GABRB1: variants seen among roughly 807,000 people sequenced by gnomAD.
GABRB1 encodes gamma-aminobutyric acid receptor subunit beta-1.
In GABRB1, 17 loss-of-function variants were observed where a neutral mutation model predicts 51.6. The ratio of observed to expected loss-of-function variants is 0.33; its 90% CI spans 0.23 to 0.49. The LOEUF is 0.49. Ranked by LOEUF, GABRB1 falls within the 20% of genes least tolerant of loss-of-function variation. GABRB1 has a pLI of 0.99. For synonymous variants in GABRB1, 247 were observed against 218.9 expected (o/e 1.13, Z -1.14); for missense variants, 410 against 600.6 (o/e 0.68, Z 3.32).
chr4:47,383,077 T>C (rs1041219331), intron 5 of GABRB1, among the ~76,000 whole-genome samples: 18 of 152,268 alleles, frequency 1.2e-4, no homozygotes, highest in Admixed American at 1.0e-3. Context: ...ACTGTCAGCT[T>C]TACAACATTC....
chr4:47,129,673 T>C (rs1716323690), intron 3 of GABRB1, among the ~76,000 whole-genome samples: 1 of 152,186 alleles, frequency 6.6e-6, no homozygotes, highest in Non-Finnish European at 1.5e-5. Flanking sequence ...ATCATGGATT[T>C]TAGAAATCAG....
At chr4:47,230,941 C>T (rs191472755) in intron 4 of GABRB1, among the ~76,000 whole-genome samples, 92 of 152,250 alleles carry the variant, frequency 6.0e-4, no homozygotes, top group Admixed American at 2.0e-3. Flanking sequence ...AACAGGCCCT[C>T]ATTTGAGGGT....
intron 4 of GABRB1, among the ~76,000 whole-genome samples, chr4:47,309,313 C>T (rs1430646569): frequency 1.3e-5 from 2 of 151,606 alleles, no homozygotes; most frequent in Non-Finnish European, 2.9e-5. Context: ...GACTGCTTTT[C>T]ATATTTATAA....
chr4:47,233,298 G>A (rs753310557), intron 4 of GABRB1, among the ~76,000 whole-genome samples: 21 of 151,878 alleles, frequency 1.4e-4, no homozygotes, highest in South Asian at 6.2e-4. Flanking sequence ...TGCATCACTC[G>A]CTTACTCAAA....
At chr4:47,122,615 TC>T (rs1715826596) in intron 3 of GABRB1, among the ~76,000 whole-genome samples, 1 of 51,754 alleles carries the variant, frequency 1.9e-5, no homozygotes, top group African/African-American at 7.2e-5. Flanking sequence ...GAACTGAAAC[TC>T]CAGTCTCAAA....
intron 7 of GABRB1, among the ~76,000 whole-genome samples, chr4:47,406,044 G>A (rs950741844): frequency 1.3e-5 from 2 of 152,100 alleles, no homozygotes; most frequent in African/African-American, 2.4e-5. Context: ...GAGAATATTT[G>A]AAATATCAAA....
intron 4 of GABRB1, among the ~76,000 whole-genome samples, chr4:47,166,602 G>A (rs1163625176): frequency 1.3e-5 from 2 of 152,012 alleles, no homozygotes; most frequent in South Asian, 2.1e-4. Context: ...TTAGTAAGGT[G>A]TTATCAGTAT....
chr4:47,378,944 T>A (rs1727495132), intron 5 of GABRB1, among the ~76,000 whole-genome samples: 1 of 152,172 alleles, frequency 6.6e-6, no homozygotes, highest in South Asian at 2.1e-4. Context: ...CGTCTTTTTC[T>A]CTCCGTCACA....
chr4:47,414,016 CT>C (rs1454722933), intron 8 of GABRB1, among the ~76,000 whole-genome samples: 6 of 152,160 alleles, frequency 3.9e-5, no homozygotes, highest in African/African-American at 1.4e-4. Flanking sequence ...GCATCTGGAA[CT>C]TTTTCAGTTA....
chr4:47,069,813 C>T (rs952527761), intron 3 of GABRB1, among the ~76,000 whole-genome samples: 11 of 152,118 alleles, frequency 7.2e-5, no homozygotes, highest in Non-Finnish European at 1.3e-4. Flanking sequence ...TTATAACAAA[C>T]ATTTTTTAAA....
Position 47,212,385 on chromosome 4 carries a change from C to G in GABRB1, c.461+50916C>G, listed in dbSNP as rs138766003. ...ACAGTCTGTGAGGCACAGAAGACAG[C>G]CAGCCCCAGGGCTGGGTGTGGTGGC... On this transcript the variant is annotated intron_variant, in intron 4 of 8. Coordinates refer to ENST00000295454, the MANE Select transcript of GABRB1 (RefSeq NM_000812.4). Among the ~76,000 whole-genome samples, 1,307 of 152,262 alleles carry G rather than the reference C, an allele frequency of 8.6e-3. 20 individuals carry two copies. Among genetic ancestry groups the G allele is most frequent in the African/African-American group, 0.03 (1,227 of 41,558 alleles).
intron 3 of GABRB1, among the ~76,000 whole-genome samples, chr4:47,108,409 T>A (rs1441478061): frequency 1.3e-5 from 2 of 152,064 alleles, no homozygotes; most frequent in African/African-American, 4.8e-5. Context: ...GAAGGTAACT[T>A]GGTAAACCCA....
chr4:47,303,384 CTCTA>C (rs1274906167), intron 4 of GABRB1, among the ~76,000 whole-genome samples: 86 of 123,368 alleles, frequency 7.0e-4, no homozygotes, highest in African/African-American at 2.0e-3. Flanking sequence ...CTCTCTCTCT[CTCTA>C]TATATATATA....
chr4:47,105,254 C>T (rs999306732), intron 3 of GABRB1, among the ~76,000 whole-genome samples: 4 of 152,052 alleles, frequency 2.6e-5, no homozygotes, highest in Non-Finnish European at 4.4e-5. Flanking sequence ...ACTCCATCAT[C>T]GGCTTTAGAT....
At chr4:46,996,207 G>T (rs956493908) in intron 1 of GABRB1, among the ~76,000 whole-genome samples, 1 of 151,392 alleles carries the variant, frequency 6.6e-6, no homozygotes, top group African/African-American at 2.4e-5. Context: ...TATTATTATT[G>T]TCTGTGTAGC....
intron 4 of GABRB1, among the ~76,000 whole-genome samples, chr4:47,230,062 A>G (rs184878166): frequency 9.3e-4 from 142 of 152,340 alleles, no homozygotes; most frequent in African/African-American, 3.2e-3. Flanking sequence ...TTTACAAAAT[A>G]GTCAATATAA....
intron 4 of GABRB1, among the ~76,000 whole-genome samples, chr4:47,251,607 G>C (rs1385933746): frequency 6.6e-6 from 1 of 152,066 alleles, no homozygotes; most frequent in African/African-American, 2.4e-5. Flanking sequence ...GCTCTCCTTG[G>C]GTGGGTCTTG....
At chr4:47,033,409 T>G (rs12108581) in intron 3 of GABRB1, among the ~76,000 whole-genome samples, 75,844 of 151,978 alleles carry the variant, frequency 0.5, 19,100 homozygotes, top group Non-Finnish European at 0.53. Context: ...TAACTGTTGC[T>G]TCTCGTAAGA....
chr4:47,003,033 T>C (rs1353928327), intron 1 of GABRB1, among the ~76,000 whole-genome samples: 2 of 152,196 alleles, frequency 1.3e-5, no homozygotes, highest in African/African-American at 4.8e-5. Flanking sequence ...AATGTTTGAT[T>C]TATGGATAGC....
Sources: allele counts gnomAD v4.1 joint callset (sites outside exome capture counted in the v4.1 genomes callset), GRCh38; gene constraint gnomAD v4.1.1; transcripts MANE v1.5; gene names NCBI Gene and HGNC (gene_info 2026-07-23, HGNC 2026-07-21).